Variants in ERICH6B observed in about 807,000 individuals in gnomAD.
ERICH6B encodes the protein glutamate-rich protein 6B.
Under a neutral mutation model 80.0 loss-of-function variants are expected in ERICH6B, and 69 were observed. The observed-to-expected ratio is 0.86, with a 90% CI of 0.71 to 1.05. The LOEUF (loss-of-function observed/expected upper bound fraction) is 1.05. Ranked by LOEUF, ERICH6B falls within the 50% of genes least tolerant of loss-of-function variation. The pLI, the probability that ERICH6B is intolerant of heterozygous loss-of-function variation, is 0.00. For missense variants in ERICH6B, 754 were observed against 796.1 expected, an observed-to-expected ratio of 0.95 and a Z score of 0.64; for synonymous variants, 283 against 291.9, an observed-to-expected ratio of 0.97 and a Z score of 0.31.
intron 11 of ERICH6B, among the ~76,000 whole-genome samples, chr13:45,554,197 C>T (rs1022110299): frequency 6.6e-6 from 1 of 152,204 alleles, no homozygotes; most frequent in African/African-American, 2.4e-5. Context: ...ACGTTCCACA[C>T]ATAAGTGATG....
At chr13:45,577,560 A>T (rs1875472621) in intron 7 of ERICH6B, among the ~76,000 whole-genome samples, 1 of 152,082 alleles carries the variant, frequency 6.6e-6, no homozygotes, top group South Asian at 2.1e-4. Context: ...GGGATTAAGA[A>T]CAAATCTTAA....
chr13:45,541,818 C>G, intron 14 of ERICH6B, 138 bp from the exon 15 acceptor site: 1 of 698,448 alleles, frequency 1.4e-6, no homozygotes, highest in Non-Finnish European at 2.4e-6. Context: ...TGTTCTCAGC[C>G]CTGCCACCTG....
rs981060155 is a variant in ERICH6B at position 45,613,730 on chromosome 13, G to A, written c.-111+1955C>T. On this transcript the variant is annotated intron_variant, in intron 1 of 14. Coordinates refer to ENST00000298738, the MANE Select transcript of ERICH6B (RefSeq NM_182542.3). ...CTGGTTCCACATTTGGAGTTTGGAGGGATTAAATATGAAACACAGAATAAG... is the reference window on the plus strand; with the variant it reads ...CTGGTTCCACATTTGGAGTTTGGAGAGATTAAATATGAAACACAGAATAAG... 3.9e-5 allele frequency among the ~76,000 whole-genome samples: 6 copies of A among 152,198 alleles called. 1 individual carries two copies. The highest frequency in any genetic ancestry group is 6.5e-5 in the Admixed American group (1 of 15,290).
intron 11 of ERICH6B, among the ~76,000 whole-genome samples, chr13:45,558,141 T>C (rs934601755): frequency 1.3e-5 from 2 of 152,184 alleles, no homozygotes; most frequent in Non-Finnish European, 2.9e-5. Flanking sequence ...CTTGTAGAGA[T>C]CTTTTACCTC....
chr13:45,572,479 A>G lies in ERICH6B; in HGVS notation c.1050+2363T>C, dbSNP rs1427531054. Among the ~76,000 whole-genome samples the G allele has an allele frequency of 2.6e-5, 4 of 152,328 alleles. No homozygotes were observed. In the East Asian group the frequency reaches 7.7e-4, roughly 29 times the overall value. On this transcript the variant is annotated intron_variant, in intron 8 of 14. Transcript: ENST00000298738. ...CTACGCCATATTGTTTCCCCCAAAT[A>G]AAGTCCACATAGTTTTAAAGAGATC...
intron 11 of ERICH6B, among the ~76,000 whole-genome samples, chr13:45,557,178 C>T (rs970770683): frequency 2.0e-5 from 3 of 152,128 alleles, no homozygotes; most frequent in African/African-American, 4.8e-5. Context: ...ATTTGCATTT[C>T]CCTGATCACT....
chr13:45,595,977 G>A (rs1249294613), intron 3 of ERICH6B, among the ~76,000 whole-genome samples: 2 of 152,120 alleles, frequency 1.3e-5, no homozygotes, highest in East Asian at 3.8e-4. Flanking sequence ...CATTTGCAAT[G>A]AACATGTATT....
chr13:45,590,038 T>C (rs1457018998), intron 4 of ERICH6B, among the ~76,000 whole-genome samples: 2 of 152,106 alleles, frequency 1.3e-5, no homozygotes, highest in South Asian at 4.1e-4. Flanking sequence ...GGTCCCGTGC[T>C]TTTTTTAGAT....
chr13:45,592,038 G>A (rs933257966), intron 3 of ERICH6B, among the ~76,000 whole-genome samples: 1 of 152,180 alleles, frequency 6.6e-6, no homozygotes, highest in Non-Finnish European at 1.5e-5. Context: ...AGGAGAGAAA[G>A]TTTGGGAGCC....
intron 2 of ERICH6B, among the ~76,000 whole-genome samples, chr13:45,605,356 G>A (rs774930212): frequency 3.3e-5 from 5 of 152,202 alleles, no homozygotes; most frequent in Non-Finnish European, 7.3e-5. Context: ...AGGTTCTTCT[G>A]TTTCCAGACT....
At chr13:45,606,497 GTGTA>G (rs111702977) in intron 2 of ERICH6B, among the ~76,000 whole-genome samples, 2,838 of 24,658 alleles carry the variant, frequency 0.12, 87 homozygotes, top group East Asian at 0.2. Context: ...GATCCCAAAA[GTGTA>G]TGTGTATATA....
At chr13:45,606,200 T>C (rs941273710) in intron 2 of ERICH6B, among the ~76,000 whole-genome samples, 1 of 152,182 alleles carries the variant, frequency 6.6e-6, no homozygotes, top group Non-Finnish European at 1.5e-5. Flanking sequence ...CAGTTACAAG[T>C]TGACTGCACT....
At chr13:45,543,489 A>T (rs1873869329) in intron 14 of ERICH6B, among the ~76,000 whole-genome samples, 2 of 152,136 alleles carry the variant, frequency 1.3e-5, no homozygotes, top group Admixed American at 1.3e-4. Flanking sequence ...TTTAAGAAAA[A>T]AGACGAGGTT....
intron 8 of ERICH6B, 36 bp from the exon 9 acceptor site, chr13:45,568,487 T>C (rs1419073958): frequency 6.9e-7 from 1 of 1,452,328 alleles, no homozygotes; most frequent in African/African-American, 1.4e-5. Flanking sequence ...ATTCAGAAAA[T>C]GGAAATTAAT....
chr13:45,604,170 C>T (rs1177952375), intron 2 of ERICH6B, among the ~76,000 whole-genome samples: 3 of 152,238 alleles, frequency 2.0e-5, no homozygotes, highest in African/African-American at 7.2e-5. Context: ...GAAGAGGGAA[C>T]TCTGCTGACT....
intron 6 of ERICH6B, 42 bp from the exon 7 acceptor site, chr13:45,580,016 G>A: frequency 6.9e-7 from 1 of 1,443,492 alleles, no homozygotes; most frequent in Non-Finnish European, 9.5e-7. Flanking sequence ...ATACGGTATA[G>A]TGAACTAGTC....
intron 13 of ERICH6B, among the ~76,000 whole-genome samples, chr13:45,547,229 A>G (rs1874028933): frequency 6.6e-6 from 1 of 152,236 alleles, no homozygotes; most frequent in South Asian, 2.1e-4. Context: ...GAAAACGTTA[A>G]AATTTCCTTG....
At chr13:45,598,042 C>T (rs1876474868) in intron 2 of ERICH6B, among the ~76,000 whole-genome samples, 1 of 152,164 alleles carries the variant, frequency 6.6e-6, no homozygotes, top group South Asian at 2.1e-4. Context: ...CTCCCAGTGG[C>T]TTTCTGTTGT....
At chr13:45,576,040 G>T (rs552789565) in intron 7 of ERICH6B, among the ~76,000 whole-genome samples, 1 of 152,322 alleles carries the variant, frequency 6.6e-6, no homozygotes, top group African/African-American at 2.4e-5. Flanking sequence ...GTTTGATTTT[G>T]TGTCCTTCTT....
Sources: gnomAD v4.1 joint callset for allele counts (sites outside exome capture counted in the v4.1 genomes callset) on GRCh38, gnomAD v4.1.1 for gene constraint, MANE v1.5 for transcripts, NCBI Gene and HGNC (gene_info 2026-07-23, HGNC 2026-07-21) for gene names.